Variants in IL1RAPL2 observed in about 807,000 individuals in gnomAD.
IL1RAPL2 encodes X-linked interleukin-1 receptor accessory protein-like 2.
IL1RAPL2 carries 3 observed loss-of-function variants against 44.1 expected under a neutral mutation model. That is an observed-to-expected ratio of 0.07 (90% confidence interval 0.03 to 0.18). The LOEUF (loss-of-function observed/expected upper bound fraction) is 0.18, where lower values mean the gene tolerates loss of function less well. IL1RAPL2 is among the 10% of genes least tolerant of loss of function. The pLI is 1.00. For synonymous variants in IL1RAPL2, 181 were observed against 178.8 expected (o/e 1.01, Z -0.10); for missense variants, 391 against 496.4 (o/e 0.79, Z 2.02).
At chrX:105,302,518 C>T (rs1445927473) in intron 5 of IL1RAPL2, among the ~76,000 whole-genome samples, 1 of 111,962 alleles carries the variant, frequency 8.9e-6, no homozygotes, top group African/African-American at 3.2e-5. Flanking sequence ...TCATGGTGCA[C>T]AGTGTGTTTA....
At chrX:104,792,142 G>A (rs1932829471) in intron 2 of IL1RAPL2, among the ~76,000 whole-genome samples, 1 of 110,487 alleles carries the variant, frequency 9.1e-6, no homozygotes, top group Non-Finnish European at 1.9e-5. Flanking sequence ...AGGAAACTGA[G>A]GTTCAGAAAG....
chrX:105,157,556 T>G, intron 2 of IL1RAPL2, among the ~76,000 whole-genome samples: 1 of 112,337 alleles, frequency 8.9e-6, no homozygotes, highest in African/African-American at 3.2e-5. Flanking sequence ...TGAATGCATT[T>G]GTAAGAATTG....
At chrX:105,680,254 C>T (rs1278207363) in intron 6 of IL1RAPL2, among the ~76,000 whole-genome samples, 1 of 112,039 alleles carries the variant, frequency 8.9e-6, no homozygotes, top group Non-Finnish European at 1.9e-5. Context: ...CCGCCTCGTC[C>T]TCCCAAAGTG....
intron 2 of IL1RAPL2, among the ~76,000 whole-genome samples, chrX:105,028,392 C>G (rs1289926334): frequency 9.0e-6 from 1 of 111,533 alleles, no homozygotes; most frequent in African/African-American, 3.2e-5. Context: ...TCCTATTCTC[C>G]ATGATGTGCT....
intron 6 of IL1RAPL2, among the ~76,000 whole-genome samples, chrX:105,690,241 TA>T (rs1449017711): frequency 9.0e-6 from 1 of 110,988 alleles, no homozygotes; most frequent in Non-Finnish European, 1.9e-5. Flanking sequence ...TTAATAAAAA[TA>T]AAAAAATTTA....
chrX:105,639,155 G>A (rs189943217), intron 6 of IL1RAPL2, among the ~76,000 whole-genome samples: 286 of 111,602 alleles, frequency 2.6e-3, no homozygotes, highest in Non-Finnish European at 3.9e-3. Context: ...GATGTTGTCA[G>A]GTTTGTGCTG....
rs1569487692 is a variant in IL1RAPL2 at position 104,582,828 on chromosome X, CTTTCTTTCTT to C, written c.-20+15779_-20+15788del. Among the ~76,000 whole-genome samples the C allele has an allele frequency of 1.2e-4, 8 of 65,110 alleles. No homozygotes were observed. In the East Asian group the frequency reaches 1.8e-3, roughly 15 times the overall value. The allele number at this position is 65,110 out of a possible 115,157, so 56.5% of individuals were successfully genotyped here. A position where few individuals can be genotyped will look rare whatever the true frequency, so the allele number is the denominator to read the frequency against. ...CTCTTTCTCTCCTTTCTTTCTCTTT[CTTTCTTTCTT>C]TCTTTCTTTCTTTCTTTCTTTCTTT... is the stretch of plus-strand genomic sequence containing the variant. On this transcript the variant is annotated intron_variant, in intron 1 of 10. Transcript: ENST00000372582.
intron 2 of IL1RAPL2, among the ~76,000 whole-genome samples, chrX:104,858,450 A>T (rs1922419514): frequency 1.8e-5 from 2 of 112,137 alleles, no homozygotes; most frequent in Non-Finnish European, 3.8e-5. Context: ...TTAGAGAATC[A>T]TAAACCACAC....
intron 6 of IL1RAPL2, among the ~76,000 whole-genome samples, chrX:105,649,484 C>T (rs978731245): frequency 2.8e-4 from 31 of 112,266 alleles, no homozygotes; most frequent in African/African-American, 9.7e-4. Context: ...TTTCTAATGA[C>T]TCACAGTTAA....
chrX:105,211,824 G>C (rs1276309277), intron 3 of IL1RAPL2, among the ~76,000 whole-genome samples: 1 of 111,438 alleles, frequency 9.0e-6, no homozygotes, highest in Non-Finnish European at 1.9e-5. Flanking sequence ...CCAACCCATG[G>C]AGGGTGAGCA....
chrX:104,619,577 A>C, intron 1 of IL1RAPL2, among the ~76,000 whole-genome samples: 1 of 112,083 alleles, frequency 8.9e-6, no homozygotes, highest in East Asian at 2.8e-4. Flanking sequence ...CCTTGAATTA[A>C]ACTGCACAGA....
intron 2 of IL1RAPL2, among the ~76,000 whole-genome samples, chrX:104,985,527 A>C (rs1487637394): frequency 1.8e-5 from 2 of 112,237 alleles, no homozygotes; most frequent in Non-Finnish European, 3.8e-5. Flanking sequence ...AAATTGAGTA[A>C]GTACACATCT....
At chrX:105,209,686 T>A (rs1485993703) in intron 3 of IL1RAPL2, among the ~76,000 whole-genome samples, 1 of 112,228 alleles carries the variant, frequency 8.9e-6, no homozygotes, top group Non-Finnish European at 1.9e-5. Context: ...TAGAATTAAT[T>A]TTTATGTATT....
At chrX:104,992,155 A>C (rs2030674096) in intron 2 of IL1RAPL2, among the ~76,000 whole-genome samples, 1 of 111,389 alleles carries the variant, frequency 9.0e-6, no homozygotes, top group Non-Finnish European at 1.9e-5. Context: ...CCAGATCATG[A>C]ATGGCCTTTG....
intron 1 of IL1RAPL2, among the ~76,000 whole-genome samples, chrX:104,605,201 C>T (rs905845152): frequency 6.3e-5 from 7 of 111,662 alleles, no homozygotes; most frequent in African/African-American, 1.6e-4. Context: ...AACTGAACAA[C>T]GTGCTCCTGA....
chrX:104,717,006 G>C (rs1261685216), intron 2 of IL1RAPL2, among the ~76,000 whole-genome samples: 1 of 111,897 alleles, frequency 8.9e-6, no homozygotes, highest in African/African-American at 3.3e-5. Context: ...CAATAGCAAA[G>C]ACATGGAATC....
chrX:104,755,424 T>C (rs1176345832), intron 2 of IL1RAPL2, among the ~76,000 whole-genome samples: 1 of 109,856 alleles, frequency 9.1e-6, no homozygotes, highest in Non-Finnish European at 1.9e-5. Flanking sequence ...TCAGGTACTA[T>C]GCTTAGTACC....
chrX:105,015,912 C>A (rs868411594), intron 2 of IL1RAPL2, among the ~76,000 whole-genome samples: 1 of 111,458 alleles, frequency 9.0e-6, no homozygotes, highest in Non-Finnish European at 1.9e-5. Flanking sequence ...TCAGTATGGC[C>A]ATTTTCATGA....
intron 1 of IL1RAPL2, among the ~76,000 whole-genome samples, chrX:104,637,274 A>G (rs989768536): frequency 1.8e-5 from 2 of 111,148 alleles, no homozygotes; most frequent in Middle Eastern, 4.7e-3. Flanking sequence ...AAGAGGGACT[A>G]TTTGACTTCC....
Sources: gnomAD v4.1 joint callset for allele counts (sites outside exome capture counted in the v4.1 genomes callset) on GRCh38, gnomAD v4.1.1 for gene constraint, MANE v1.5 for transcripts, NCBI Gene and HGNC (gene_info 2026-07-23, HGNC 2026-07-21) for gene names.